Variants in NOP58 observed in about 807,000 individuals in gnomAD.
NOP58 encodes nucleolar protein 58.
Under a neutral mutation model 71.2 loss-of-function variants are expected in NOP58, and 44 were observed. That is an observed-to-expected ratio of 0.62 (90% confidence interval 0.49 to 0.79). NOP58 has a LOEUF of 0.79. Ranked by LOEUF, NOP58 falls within the 30% of genes least tolerant of loss-of-function variation. The pLI, the probability that NOP58 is intolerant of heterozygous loss-of-function variation, is 0.00. For missense variants in NOP58, 538 were observed against 620.2 expected, an observed-to-expected ratio of 0.87 and a Z score of 1.41; for synonymous variants, 228 against 200.3, an observed-to-expected ratio of 1.14 and a Z score of -1.17.
At chr2:202,297,612 C>A in intron 11 of NOP58, 99 bp downstream of exon 11, 1 of 1,217,130 alleles carries the variant, frequency 8.2e-7, no homozygotes, top group South Asian at 1.5e-5. Context: ...TTTTATGATA[C>A]TTATTAGTAT....
In NOP58 at chr2:202,284,328, T is replaced by A; in HGVS notation, c.298-17T>A. On this transcript the variant is annotated splice_polypyrimidine_tract_variant and intron_variant, in intron 4 of 14. Transcript: ENST00000264279. ...CTTTTTTTTTTTAATTTAATATAGA[T>A]GTTCATGTTCTTGTAGGAAAAGCTG... is the stretch of plus-strand genomic sequence containing the variant. 8 of 1,562,012 alleles carry A rather than the reference T, an allele frequency of 5.1e-6. No individual in the cohort carries two copies. The highest frequency in any genetic ancestry group is 7.0e-6 in the Non-Finnish European group (8 of 1,150,116).
chr2:202,267,044 A>G (rs1272239132), intron 1 of NOP58, among the ~76,000 whole-genome samples: 1 of 152,074 alleles, frequency 6.6e-6, no homozygotes, highest in Non-Finnish European at 1.5e-5. Flanking sequence ...AAGTTTGACA[A>G]GTTCGTCAGC....
chr2:202,278,619 C>G (rs955439304), intron 3 of NOP58, among the ~76,000 whole-genome samples: 1 of 152,108 alleles, frequency 6.6e-6, no homozygotes, highest in African/African-American at 2.4e-5. Context: ...GTAGGTCTTA[C>G]AGTTTTGTTT....
In NOP58 at chr2:202,292,800, A is replaced by T. The variant is rs767064774; in HGVS notation, c.804A>T (p.Arg268=). 8.7e-6 allele frequency: 14 copies of T among 1,612,006 alleles called. No individual in the cohort carries two copies. The highest frequency in any genetic ancestry group is 1.2e-5 in the Non-Finnish European group (14 of 1,178,128). ...CTQVIEISEY[R]TQLYEYLQNR... ...AGGTGATTGAAATCTCTGAATATCG[A>T]ACCCAGCTCTATGAATATCTACAAA... The change falls in exon 9 of 15, where the codon CGA becomes CGT. Residue 268 remains arginine, a synonymous_variant. Coordinates refer to ENST00000264279, the MANE Select transcript of NOP58 (RefSeq NM_015934.5).
chr2:202,275,022 C>T, intron 1 of NOP58, 91 bp from the exon 2 acceptor site: 1 of 627,530 alleles, frequency 1.6e-6, no homozygotes, highest in South Asian at 2.1e-5. Flanking sequence ...TCTACACCTT[C>T]ATTTTACATG....
At position 202,295,681 on chromosome 2, in the gene NOP58, T is replaced by C. The variant is rs1688976905; in HGVS notation, c.915T>C (p.Leu305=). The part of the protein sequence containing the change: ...GARLIAHAGS[L]LNLAKHAAST... ...AACTTTTTTCTTTTGTAGGTTCTCT[T>C]TTAAATTTGGCCAAGCATGCAGCTT... The change falls in exon 10 of 15, where the codon CTT becomes CTC. Residue 305 remains leucine, a synonymous_variant. Transcript: ENST00000264279. 6.3e-7 allele frequency: 1 copy of C among 1,575,928 alleles called. No individual in the cohort carries two copies. The highest frequency in any genetic ancestry group is 8.6e-7 in the Non-Finnish European group (1 of 1,164,780).
At position 202,278,009 on chromosome 2, in the gene NOP58, T is replaced by TA. The variant is rs1688634952; in HGVS notation, c.175+13dup. 1.3e-6 allele frequency: 2 copies of TA among 1,533,716 alleles called. No homozygotes were observed. The highest frequency in any genetic ancestry group is 1.8e-5 in the Admixed American group (1 of 56,528). On this transcript the variant is annotated splice_region_variant and intron_variant, in intron 3 of 14. Coordinates refer to ENST00000264279, the MANE Select transcript of NOP58 (RefSeq NM_015934.5). ...ACAGCAGAAGCATTAGCAGGTAAAGTAAAAAATTAGAAGCTTGCTTTTTTG... is the reference window on the plus strand; with the variant it reads ...ACAGCAGAAGCATTAGCAGGTAAAGTAAAAAAATTAGAAGCTTGCTTTTTTG...
intron 1 of NOP58, among the ~76,000 whole-genome samples, chr2:202,274,513 AT>A (rs1212061683): frequency 6.8e-6 from 1 of 147,090 alleles, no homozygotes; most frequent in Non-Finnish European, 1.5e-5. Context: ...AAGTGCTGGG[AT>A]TACAGATGTG....
chr2:202,279,695 G>A (rs1159408526), intron 3 of NOP58, among the ~76,000 whole-genome samples: 1 of 152,198 alleles, frequency 6.6e-6, no homozygotes, highest in Non-Finnish European at 1.5e-5. Flanking sequence ...TCGGGAGGCT[G>A]AGGCAGGAGA....
chr2:202,303,260 A>T, intron 14 of NOP58, 126 bp from the exon 15 acceptor site: 1 of 1,425,122 alleles, frequency 7.0e-7, no homozygotes, highest in East Asian at 2.3e-5. Flanking sequence ...TCAAGTTTGC[A>T]TTGAGGGGAG....
At chr2:202,295,532 GA>G in intron 9 of NOP58, 141 bp from the exon 10 acceptor site, 1 of 608,092 alleles carries the variant, frequency 1.6e-6, no homozygotes, top group South Asian at 4.3e-5. Context: ...GATTTTTAGG[GA>G]ATTCTGGATT....
intron 1 of NOP58, among the ~76,000 whole-genome samples, chr2:202,270,671 G>A (rs1161093843): frequency 6.6e-6 from 1 of 152,054 alleles, no homozygotes; most frequent in Non-Finnish European, 1.5e-5. Flanking sequence ...AGGCTGAGGT[G>A]GGAGGGAGGT....
chr2:202,302,854 C>CAATT (rs1689116661), intron 13 of NOP58, 67 bp from the exon 14 acceptor site: 1 of 1,511,260 alleles, frequency 6.6e-7, no homozygotes, highest in Non-Finnish European at 8.8e-7. Flanking sequence ...AGGACTCAAA[C>CAATT]GTTTTTGGAA....
intron 1 of NOP58, among the ~76,000 whole-genome samples, chr2:202,271,176 T>C (rs1302024722): frequency 6.6e-6 from 1 of 152,140 alleles, no homozygotes; most frequent in African/African-American, 2.4e-5. Flanking sequence ...TAGGATGGGC[T>C]CAATCCTAAA....
chr2:202,293,870 C>T (rs771107163), intron 9 of NOP58, among the ~76,000 whole-genome samples: 11 of 152,120 alleles, frequency 7.2e-5, no homozygotes, highest in Non-Finnish European at 1.2e-4. Flanking sequence ...CCACTGCGCC[C>T]GGCCTGGCGT....
chr2:202,266,008 T>A, intron 1 of NOP58, 22 bp downstream of exon 1: 5 of 1,613,528 alleles, frequency 3.1e-6, no homozygotes, highest in Non-Finnish European at 4.2e-6. Context: ...AGCGAGCCGT[T>A]AAAGGGGGAA....
intron 1 of NOP58, among the ~76,000 whole-genome samples, chr2:202,267,081 TC>T (rs1238407877): frequency 1.3e-5 from 2 of 152,246 alleles, no homozygotes; most frequent in East Asian, 3.9e-4. Flanking sequence ...GGTAAGACAT[TC>T]GTATCGCAAG....
intron 14 of NOP58, 152 bp from the exon 15 acceptor site, chr2:202,303,234 A>G: frequency 7.4e-7 from 1 of 1,352,258 alleles, no homozygotes; most frequent in Non-Finnish European, 1.0e-6. Context: ...CCAAATCTAG[A>G]ATTTATTACT....
intron 1 of NOP58, among the ~76,000 whole-genome samples, chr2:202,272,573 A>G (rs376000669): frequency 1.3e-5 from 2 of 152,236 alleles, no homozygotes; most frequent in Admixed American, 6.5e-5. Flanking sequence ...GGTATTAACA[A>G]TTTATAAACT....
Sources: gnomAD v4.1 joint callset for allele counts (sites outside exome capture counted in the v4.1 genomes callset) on GRCh38, gnomAD v4.1.1 for gene constraint, MANE v1.5 for transcripts, NCBI Gene and HGNC (gene_info 2026-07-23, HGNC 2026-07-21) for gene names.